The following CD3G variants were observed in gnomAD, a reference collection of about 807,000 sequenced individuals.
CD3G encodes the protein CD3 gamma subunit of T-cell receptor complex.
A neutral mutation model predicts 28.3 loss-of-function variants in CD3G; 24 were observed. That is an observed-to-expected ratio of 0.85 (90% CI 0.61 to 1.19). The LOEUF is 1.19. Among genes scored for constraint, CD3G ranks in the 50% most tolerant of loss-of-function variants. CD3G has a pLI of 0.00. For missense variants in CD3G, 211 were observed against 210.0 expected, an observed-to-expected ratio of 1.00 and a Z score of -0.03; for synonymous variants, 71 against 75.9, an observed-to-expected ratio of 0.93 and a Z score of 0.34.
At chr11:118,347,733 T>C (rs930430528) in intron 1 of CD3G, among the ~76,000 whole-genome samples, 1 of 152,134 alleles carries the variant, frequency 6.6e-6, no homozygotes, top group African/African-American at 2.4e-5. Flanking sequence ...CAACCATTCC[T>C]CCCACCTCCT....
In CD3G at chr11:118,353,268, T is replaced by G; in HGVS notation, c.*168T>G. 6.6e-6 allele frequency: 1 copy of G among 151,936 alleles called. No homozygotes were observed. The highest frequency in any genetic ancestry group is 1.9e-4 in the East Asian group (1 of 5,188). 9.4% of individuals were successfully genotyped at this position (151,936 alleles called of 1,614,324 possible). A position where few individuals can be genotyped will look rare whatever the true frequency, so the allele number is the denominator to read the frequency against. ...AAGGCCATCAGAGCAAATTTGGGGG[T>G]TTCTCAAATAAAATAAAAATAAAAA... On this transcript the variant is annotated 3_prime_UTR_variant, in exon 7 of 7. Coordinates refer to ENST00000532917, the MANE Select transcript of CD3G (RefSeq NM_000073.3).
At chr11:118,349,354 T>C (rs1392224244) in intron 2 of CD3G, 5 of 1,200,726 alleles carry the variant, frequency 4.2e-6, no homozygotes, top group Non-Finnish European at 5.5e-6. Flanking sequence ...CTGACGTTAG[T>C]CTCTGTCAAT....
intron 1 of CD3G, among the ~76,000 whole-genome samples, chr11:118,348,258 G>A (rs1475431579): frequency 6.6e-6 from 1 of 152,086 alleles, no homozygotes; most frequent in Non-Finnish European, 1.5e-5. Context: ...GGGTACCCCA[G>A]ACCACTCACA....
chr11:118,349,868 A>T lies in CD3G; in HGVS notation c.205A>T (p.Lys69Ter), dbSNP rs199676861. 4.9e-5 allele frequency: 78 copies of T among 1,583,362 alleles called. 1 individual carries two copies. The highest frequency in any genetic ancestry group is 4.6e-5 in the Non-Finnish European group (53 of 1,154,620). Residue 69 changes from lysine to a stop codon, truncating the protein, a stop_gained, in exon 3 of 7, where the codon AAA (lysine) becomes TAA (stop). Coordinates refer to ENST00000532917, the MANE Select transcript of CD3G (RefSeq NM_000073.3). LOFTEE classifies it high-confidence loss of function. Reference sequence around the variant, plus strand: ...GATGATCGGCTTCCTAACTGAAGATAAAAAAAAATGGAATCTGGGAAGTAA... The same window carrying T: ...GATGATCGGCTTCCTAACTGAAGATTAAAAAAAATGGAATCTGGGAAGTAA... ...GKMIGFLTED[K>*]KKWNLGSNAK...
chr11:118,347,121 A>ATACTTT (rs1948364123), intron 1 of CD3G, among the ~76,000 whole-genome samples: 1 of 152,142 alleles, frequency 6.6e-6, no homozygotes, highest in Admixed American at 6.5e-5. Flanking sequence ...TATTTCCATT[A>ATACTTT]TACTTTGACT....
At chr11:118,351,197 A>C (rs1033213357) in intron 4 of CD3G, among the ~76,000 whole-genome samples, 6 of 151,680 alleles carry the variant, frequency 4.0e-5, no homozygotes, top group African/African-American at 1.5e-4. Flanking sequence ...AAAAAAAAAA[A>C]AAAAAAAAAC....
chr11:118,344,515 G>A (rs533613241), intron 1 of CD3G, 37 bp downstream of exon 1: 6 of 1,519,036 alleles, frequency 3.9e-6, no homozygotes, highest in East Asian at 4.8e-5. Context: ...CCTGGGGAAG[G>A]GCTCAAGGGA....
In CD3G at chr11:118,351,622, G is replaced by C. The variant is rs201057316; in HGVS notation, c.440-6G>C. Reference sequence around the variant, plus strand: ...CTTGTGTGGATTCTGTTTCTTTTTTGTGCAGCTTCAGACAAGCAGACTCTG... The same window carrying C: ...CTTGTGTGGATTCTGTTTCTTTTTTCTGCAGCTTCAGACAAGCAGACTCTG... On this transcript the variant is annotated splice_polypyrimidine_tract_variant and splice_region_variant and intron_variant, in intron 4 of 6. Coordinates refer to ENST00000532917, the MANE Select transcript of CD3G (RefSeq NM_000073.3). 5 of 1,613,606 alleles carry C rather than the reference G, an allele frequency of 3.1e-6. No homozygotes were observed. In the East Asian group the frequency reaches 6.7e-5, roughly 22 times the overall value.
At position 118,350,765 on chromosome 11, in the gene CD3G, G is replaced by C. The variant is rs1271206747; in HGVS notation, c.439+82G>C. On this transcript the variant is annotated intron_variant, in intron 4 of 6. Transcript: ENST00000532917. The stretch of plus-strand genomic sequence containing the variant: ...CTACCATTATGTACCCAATGGAAGA[G>C]ACTGAGTTGGTGCTTCTTGCTAGTG... The C allele has an allele frequency of 3.7e-6, 6 of 1,607,784 alleles. No homozygotes were observed. In the South Asian group the frequency reaches 6.6e-5, roughly 18 times the overall value.
chr11:118,346,816 G>A (rs1056282138), intron 1 of CD3G, among the ~76,000 whole-genome samples: 2 of 127,798 alleles, frequency 1.6e-5, no homozygotes, highest in African/African-American at 2.9e-5. Context: ...AAAAAAAAAA[G>A]ATGTCTCAAA....
At chr11:118,352,748 T>TA (rs1164192875) in intron 6 of CD3G, among the ~76,000 whole-genome samples, 1 of 152,226 alleles carries the variant, frequency 6.6e-6, no homozygotes, top group Non-Finnish European at 1.5e-5. Flanking sequence ...ATATTAATCT[T>TA]AACCTACATT....
intron 1 of CD3G, among the ~76,000 whole-genome samples, chr11:118,348,523 G>A (rs779147657): frequency 1.3e-5 from 2 of 152,166 alleles, no homozygotes; most frequent in Non-Finnish European, 2.9e-5. Flanking sequence ...CCAGCACATT[G>A]ATGGGTTCAC....
intron 4 of CD3G, among the ~76,000 whole-genome samples, chr11:118,351,186 C>CAA (rs34109639): frequency 0.021 from 1,505 of 70,316 alleles, 70 homozygotes; most frequent in South Asian, 0.06. Flanking sequence ...GACTCCGTCT[C>CAA]AAAAAAAAAA....
rs758659595 is a variant in CD3G at position 118,349,905 on chromosome 11, C to T, written c.242C>T (p.Pro81Leu). 5 of 1,614,110 alleles carry T rather than the reference C, an allele frequency of 3.1e-6. No homozygotes were observed. The highest frequency in any genetic ancestry group is 3.4e-6 in the Non-Finnish European group (4 of 1,180,018). The change falls in exon 3 of 7, where the codon CCT becomes CTT. Residue 81 changes from proline to leucine, a missense_variant. Coordinates refer to ENST00000532917, the MANE Select transcript of CD3G (RefSeq NM_000073.3). ...KWNLGSNAKD[P>L]RGMYQCKGSQ... ...AATCTGGGAAGTAATGCCAAGGACC[C>T]TCGAGGGATGTATCAGTGTAAAGGA... is the stretch of plus-strand genomic sequence containing the variant.
In CD3G at chr11:118,350,585, C is replaced by T; in HGVS notation, c.341C>T (p.Thr114Ile). Residue 114 changes from threonine (T) to isoleucine (I), a missense_variant, in exon 4 of 7, where the codon ACC becomes ATC. Transcript: ENST00000532917. ...AACTGCATTGAACTAAATGCAGCCA[C>T]CATATCTGGCTTTCTCTTTGCTGAA... ...CQNCIELNAA[T>I]ISGFLFAEIV... 1 of 1,614,080 alleles carries T rather than the reference C, an allele frequency of 6.2e-7. No homozygotes were observed. Among genetic ancestry groups the T allele is most frequent in the South Asian group, 1.1e-5 (1 of 91,074 alleles).
Position 118,349,831 on chromosome 11 carries a change from T to G in CD3G, c.168T>G (p.Phe56Leu), listed in dbSNP as rs772251464. 6.2e-7 allele frequency: 1 copy of G among 1,614,088 alleles called. No individual in the cohort carries two copies. Among genetic ancestry groups the G allele is most frequent in the Non-Finnish European group, 8.5e-7 (1 of 1,180,010 alleles). The change falls in exon 3 of 7, where the codon TTT becomes TTG. Residue 56 changes from phenylalanine (F) to leucine (L), a missense_variant. Physicochemically the swap from Phe to Leu is conservative, Grantham distance 22 (BLOSUM62 0). Transcript: ENST00000532917. ...CDAEAKNITWFKDGKMIGFLT... is the reference protein window; with the variant it reads ...CDAEAKNITWLKDGKMIGFLT... ...CAGAAGCCAAAAATATCACATGGTT[T>G]AAAGATGGGAAGATGATCGGCTTCC...
In CD3G at chr11:118,345,498, G is replaced by A. The variant is rs1425581938; in HGVS notation, c.55+1020G>A. On this transcript the variant is annotated intron_variant, in intron 1 of 6. Transcript: ENST00000532917. ...GAAGGTCAGGTGATGAGGTCAGCAA[G>A]TGTAGACTATTCTTTAAAGACATTT... Among the ~76,000 whole-genome samples, 4 of 152,322 alleles carry A rather than the reference G, an allele frequency of 2.6e-5. No homozygotes were observed. In the East Asian group the frequency reaches 7.7e-4, roughly 29 times the overall value.
In CD3G at chr11:118,350,673, C is replaced by G. The variant is rs1052810675; in HGVS notation, c.429C>G (p.Arg143=). The G allele has an allele frequency of 2.5e-6, 4 of 1,613,648 alleles. No homozygotes were observed. In the Admixed American group the frequency reaches 6.7e-5, roughly 27 times the overall value. ...TCATTGCTGGACAGGATGGAGTTCG[C>G]CAGTCGAGAGGTAAAAGAATGCTCT... ...VYFIAGQDGV[R]QSRASDKQTL... The change falls in exon 4 of 7, where the codon CGC becomes CGG. Residue 143 remains arginine (R), a synonymous_variant. Transcript: ENST00000532917.
At position 118,353,994 on chromosome 11, in the gene CD3G, C is replaced by G. The variant is rs200903063; in HGVS notation, c.*894C>G. On this transcript the variant is annotated 3_prime_UTR_variant, in exon 7 of 7. Coordinates refer to ENST00000532917, the MANE Select transcript of CD3G (RefSeq NM_000073.3). ...CCATTATATGAAGATACCATTATAT[C>G]CTTTTTAATGCAACCATATTGTACA... The G allele has an allele frequency of 6.6e-6, 1 of 152,148 alleles. No individual in the cohort carries two copies. The highest frequency in any genetic ancestry group is 1.5e-5 in the Non-Finnish European group (1 of 68,046). 9.4% of individuals were successfully genotyped at this position (152,148 alleles called of 1,614,324 possible).
Sources: gnomAD v4.1 joint callset for allele counts (sites outside exome capture counted in the v4.1 genomes callset) on GRCh38, gnomAD v4.1.1 for gene constraint, MANE v1.5 for transcripts, NCBI Gene and HGNC (gene_info 2026-07-23, HGNC 2026-07-21) for gene names.